EYA4: variants seen among roughly 807,000 people sequenced by gnomAD.
EYA4 encodes the protein protein phosphatase EYA4.
A neutral mutation model predicts 87.9 loss-of-function variants in EYA4; 31 were observed. That is an observed-to-expected ratio of 0.35 (90% CI 0.27 to 0.48). The LOEUF is 0.48. Among genes scored for constraint, EYA4 ranks in the 20% least tolerant of loss-of-function variants. EYA4 has a pLI of 0.99. For missense variants in EYA4, 678 were observed against 761.4 expected (o/e 0.89, Z 1.29); for synonymous variants, 263 against 270.6 (o/e 0.97, Z 0.28).
chr6:133,392,342 T>C (rs570261328), intron 3 of EYA4, among the ~76,000 whole-genome samples: 81 of 151,622 alleles, frequency 5.3e-4, no homozygotes, highest in African/African-American at 1.8e-3. Context: ...AAAAAAACAA[T>C]GTTCAAACAT....
intron 1 of EYA4, among the ~76,000 whole-genome samples, chr6:133,267,425 C>T (rs997265527): frequency 1.3e-5 from 2 of 152,010 alleles, no homozygotes; most frequent in Non-Finnish European, 2.9e-5. Context: ...CTGTCACACC[C>T]AGGCTGGAGT....
At chr6:133,432,730 G>A (rs1357634801) in intron 3 of EYA4, among the ~76,000 whole-genome samples, 1 of 151,802 alleles carries the variant, frequency 6.6e-6, no homozygotes, top group African/African-American at 2.4e-5. Context: ...CTAAGGTCAG[G>A]GACTTATCAC....
At chr6:133,509,758 G>A (rs898319028) in intron 14 of EYA4, among the ~76,000 whole-genome samples, 1 of 152,152 alleles carries the variant, frequency 6.6e-6, no homozygotes, top group African/African-American at 2.4e-5. Context: ...CAAAATTAAA[G>A]TATTTAAAGT....
At chr6:133,504,427 GCC>G (rs1798412794) in intron 13 of EYA4, among the ~76,000 whole-genome samples, 1 of 152,142 alleles carries the variant, frequency 6.6e-6, no homozygotes, top group African/African-American at 2.4e-5. Flanking sequence ...GAGAATCTCT[GCC>G]TATGAAATCC....
intron 2 of EYA4, among the ~76,000 whole-genome samples, chr6:133,359,266 C>T (rs1441713002): frequency 6.6e-6 from 1 of 152,160 alleles, no homozygotes; most frequent in Non-Finnish European, 1.5e-5. Context: ...ATGAAAGCTC[C>T]AGCCTCCTTT....
chr6:133,399,445 AAGTT>A (rs959881759), intron 3 of EYA4, among the ~76,000 whole-genome samples: 13 of 152,030 alleles, frequency 8.6e-5, no homozygotes, highest in African/African-American at 1.7e-4. Flanking sequence ...AAGGTGGAAA[AAGTT>A]AGAGAGTTAA....
chr6:133,309,194 A>ATT (rs35448536), intron 2 of EYA4, among the ~76,000 whole-genome samples: 14 of 151,708 alleles, frequency 9.2e-5, no homozygotes, highest in African/African-American at 3.4e-4. Flanking sequence ...CTTTAAATAT[A>ATT]TTTTTTATTA....
At position 133,280,739 on chromosome 6, in the gene EYA4, C is replaced by G. The variant is rs75610795; in HGVS notation, c.33+5926C>G. Among the ~76,000 whole-genome samples the G allele has an allele frequency of 3.1e-3, 473 of 152,244 alleles. 2 individuals carry two copies. Among genetic ancestry groups the G allele is most frequent in the Non-Finnish European group, 3.2e-3 (217 of 68,016 alleles). The stretch of plus-strand genomic sequence containing the variant: ...TGTCATTCTCATACAATACAGCTCA[C>G]CCACTTAAAATGTACAATTCAGTGA... On this transcript the variant is annotated intron_variant, in intron 2 of 19. Coordinates refer to ENST00000355286, the MANE Select transcript of EYA4 (RefSeq NM_004100.5).
At position 133,317,299 on chromosome 6, in the gene EYA4, G is replaced by C. The variant is rs925071935; in HGVS notation, c.33+42486G>C. On this transcript the variant is annotated intron_variant, in intron 2 of 19. Coordinates refer to ENST00000355286, the MANE Select transcript of EYA4 (RefSeq NM_004100.5). The stretch of plus-strand genomic sequence containing the variant: ...GCTTTGAAGAATCTCAAGTTCATTT[G>C]AGAACATTGTCATAATGACCCATAT... 5.9e-5 allele frequency among the ~76,000 whole-genome samples: 9 copies of C among 152,208 alleles called. No homozygotes were observed. In the East Asian group the frequency reaches 1.7e-3, roughly 29 times the overall value.
At chr6:133,513,546 A>G (rs1005443491) in intron 16 of EYA4, among the ~76,000 whole-genome samples, 4 of 152,194 alleles carry the variant, frequency 2.6e-5, no homozygotes, top group Admixed American at 1.3e-4. Context: ...TCAGTGTATC[A>G]TTCTCATGCA....
intron 3 of EYA4, among the ~76,000 whole-genome samples, chr6:133,385,170 G>A (rs113891714): frequency 1.1e-3 from 171 of 151,540 alleles, no homozygotes; most frequent in African/African-American, 4.0e-3. Context: ...GTGGTGGCAG[G>A]CGCCTGTAGT....
At chr6:133,407,251 GT>G (rs55910301) in intron 3 of EYA4, among the ~76,000 whole-genome samples, 19,229 of 130,440 alleles carry the variant, frequency 0.15, 1,339 homozygotes, top group East Asian at 0.42. Flanking sequence ...GGAGTCTAGG[GT>G]TTTTTTTTTT....
At chr6:133,470,037 G>A (rs1456307077) in intron 11 of EYA4, among the ~76,000 whole-genome samples, 1 of 150,398 alleles carries the variant, frequency 6.6e-6, no homozygotes, top group Non-Finnish European at 1.5e-5. Context: ...CCATGTTGTA[G>A]GTTGCCTGTT....
At chr6:133,480,978 G>A (rs454410) in intron 11 of EYA4, among the ~76,000 whole-genome samples, 41 of 130,304 alleles carry the variant, frequency 3.1e-4, no homozygotes, top group Admixed American at 1.6e-3. Flanking sequence ...AGGGAAGATG[G>A]GAGAGGTGGA....
chr6:133,374,541 T>C (rs714177), intron 2 of EYA4, among the ~76,000 whole-genome samples: 12,136 of 152,080 alleles, frequency 0.08, 929 homozygotes, highest in East Asian at 0.2. Flanking sequence ...CTTAGAGTAT[T>C]TGATAGTATC....
At chr6:133,274,633 C>A in intron 1 of EYA4, 83 bp from the exon 2 acceptor site, 1 of 699,336 alleles carries the variant, frequency 1.4e-6, no homozygotes, top group Non-Finnish European at 2.6e-6. Context: ...AATTACCATG[C>A]TATGTCTTGA....
chr6:133,403,406 A>G (rs1037389421), intron 3 of EYA4, among the ~76,000 whole-genome samples: 8 of 152,202 alleles, frequency 5.3e-5, no homozygotes, highest in African/African-American at 1.9e-4. Context: ...AGCCTAAACA[A>G]TAGTATTTTT....
intron 10 of EYA4, 69 bp downstream of exon 10, chr6:133,464,927 C>T (rs1182781141): frequency 1.0e-6 from 1 of 978,056 alleles, no homozygotes; most frequent in East Asian, 2.4e-5. Context: ...TCTCAGGTTG[C>T]CATATATGTG....
chr6:133,445,480 A>T (rs1792724893), intron 3 of EYA4, among the ~76,000 whole-genome samples: 1 of 151,446 alleles, frequency 6.6e-6, no homozygotes, highest in Non-Finnish European at 1.5e-5. Flanking sequence ...AAATTCTCTC[A>T]ACTTTTATTG....
Sources: gnomAD v4.1 joint callset for allele counts (sites outside exome capture counted in the v4.1 genomes callset) on GRCh38, gnomAD v4.1.1 for gene constraint, MANE v1.5 for transcripts, NCBI Gene and HGNC (gene_info 2026-07-23, HGNC 2026-07-21) for gene names.